The following CMTM4 variants were observed in gnomAD, a reference collection of about 807,000 sequenced individuals.
CMTM4 encodes the protein CKLF-like MARVEL transmembrane domain-containing protein 4.
CMTM4 carries 8 observed loss-of-function variants against 19.0 expected under a neutral mutation model. The observed-to-expected ratio is 0.42, with a 90% CI of 0.25 to 0.76. The LOEUF (loss-of-function observed/expected upper bound fraction) is 0.76. Among genes scored for constraint, CMTM4 ranks in the 30% least tolerant of loss-of-function variants. The pLI, the probability that CMTM4 is intolerant of heterozygous loss-of-function variation, is 0.27. For missense variants in CMTM4, 228 were observed against 290.2 expected (o/e 0.79, Z 1.56); for synonymous variants, 106 against 121.1 (o/e 0.88, Z 0.82).
chr16:66,633,159 A>G (rs1233378323), intron 2 of CMTM4, among the ~76,000 whole-genome samples: 3 of 147,548 alleles, frequency 2.0e-5, no homozygotes, highest in Non-Finnish European at 4.4e-5. Flanking sequence ...AAGTCCCACA[A>G]TCCATCCAAA....
chr16:66,642,213 A>G (rs934819750), intron 1 of CMTM4, among the ~76,000 whole-genome samples: 3 of 152,268 alleles, frequency 2.0e-5, no homozygotes, highest in East Asian at 3.8e-4. Context: ...AACAACTTCA[A>G]GGGAACCAAA....
chr16:66,623,005 T>C (rs1357061703), intron 3 of CMTM4, among the ~76,000 whole-genome samples: 2 of 152,222 alleles, frequency 1.3e-5, no homozygotes, highest in Non-Finnish European at 2.9e-5. Flanking sequence ...AAATGTCATG[T>C]GACTGCTAAA....
intron 1 of CMTM4, among the ~76,000 whole-genome samples, chr16:66,647,082 G>A (rs1453517580): frequency 7.3e-5 from 11 of 150,670 alleles, no homozygotes; most frequent in Admixed American, 2.0e-4. Flanking sequence ...TTGGGAGGCC[G>A]AGGTGGGTGG....
intron 1 of CMTM4, among the ~76,000 whole-genome samples, chr16:66,687,936 C>G (rs897070001): frequency 1.3e-5 from 2 of 152,070 alleles, no homozygotes; most frequent in African/African-American, 4.8e-5. Context: ...ATCTGCCCGC[C>G]TCGGCCTCCC....
chr16:66,696,257 C>G lies in CMTM4; in HGVS notation c.186+83G>C, dbSNP rs975901256. On this transcript the variant is annotated intron_variant, in intron 1 of 3. Transcript: ENST00000394106. This position sits in a 1 kb window ranked among gnomAD's most constrained non-coding sequence, Gnocchi z 4.3. ...GCTCCGGCCTGGGCAAGCGGGTACG[C>G]GGCGGAGGCCCCGCAGCGGGGCGGG... 2.9e-6 allele frequency: 3 copies of G among 1,036,924 alleles called. No individual in the cohort carries two copies. The highest frequency in any genetic ancestry group is 1.7e-5 in the African/African-American group (1 of 59,356). 64.2% of individuals were successfully genotyped at this position (1,036,924 alleles called of 1,614,324 possible). A position where few individuals can be genotyped will look rare whatever the true frequency, so the allele number is the denominator to read the frequency against.
chr16:66,637,997 G>C (rs892584084), intron 1 of CMTM4, among the ~76,000 whole-genome samples: 3 of 152,162 alleles, frequency 2.0e-5, no homozygotes. Flanking sequence ...TCCAAGGCAC[G>C]GGCTGTTCTG....
At chr16:66,642,833 A>C (rs1433459336) in intron 1 of CMTM4, among the ~76,000 whole-genome samples, 1 of 152,208 alleles carries the variant, frequency 6.6e-6, no homozygotes, top group Non-Finnish European at 1.5e-5. Context: ...GGAAAGAGAG[A>C]GGACTGGCTG....
Position 66,620,515 on chromosome 16 carries a change from T to C in CMTM4, c.*1543A>G, listed in dbSNP as rs560650230. 16 of 985,450 alleles carry C rather than the reference T, an allele frequency of 1.6e-5. No individual in the cohort carries two copies. The South Asian group carries it at 5.6e-4, about 35-fold the overall frequency. 61.0% of individuals were successfully genotyped at this position (985,450 alleles called of 1,614,324 possible). On this transcript the variant is annotated 3_prime_UTR_variant, in exon 4 of 4. Transcript: ENST00000394106. Reference sequence around the variant, plus strand: ...GCCTGATCAACACTGTGAGCTCAGATGCTGTCCTTTTCTGGGGAATGAGAC... The same window carrying C: ...GCCTGATCAACACTGTGAGCTCAGACGCTGTCCTTTTCTGGGGAATGAGAC...
Position 66,616,163 on chromosome 16 carries a change from T to C in CMTM4, c.*5895A>G, listed in dbSNP as rs2015522930. The C allele has an allele frequency of 6.6e-6, 1 of 152,186 alleles. No individual in the cohort carries two copies. The highest frequency in any genetic ancestry group is 1.5e-5 in the Non-Finnish European group (1 of 68,030). The allele number at this position is 152,186 out of a possible 1,614,324, so 9.4% of individuals were successfully genotyped here. On this transcript the variant is annotated 3_prime_UTR_variant, in exon 4 of 4. Coordinates refer to ENST00000394106, the MANE Select transcript of CMTM4 (RefSeq NM_181521.3). The stretch of plus-strand genomic sequence containing the variant: ...ATGCTACAAAAATAGTGTTATCTTG[T>C]TTAACTAAATGTACATCTTTTTTTC...
At chr16:66,644,152 C>G (rs940844812) in intron 1 of CMTM4, among the ~76,000 whole-genome samples, 27 of 152,182 alleles carry the variant, frequency 1.8e-4, no homozygotes, top group Admixed American at 1.3e-3. Context: ...TTGACAAAGT[C>G]TGACAATCCC....
chr16:66,694,003 C>CA (rs1425759112), intron 1 of CMTM4, among the ~76,000 whole-genome samples: 4 of 151,216 alleles, frequency 2.6e-5, no homozygotes, highest in African/African-American at 9.7e-5. Context: ...GCCTGGGTAA[C>CA]AGAGTTAGAC....
intron 2 of CMTM4, among the ~76,000 whole-genome samples, chr16:66,628,562 T>C (rs1229834293): frequency 6.6e-6 from 1 of 152,196 alleles, no homozygotes; most frequent in African/African-American, 2.4e-5. Context: ...CTTGATTCCA[T>C]ACAACACATG....
the CMTM4 span, among the ~76,000 whole-genome samples, chr16:66,601,107 CTGTGTGTGTGTG>C: frequency 7.0e-6 from 1 of 143,032 alleles, no homozygotes; most frequent in East Asian, 2.1e-4. Flanking sequence ...GTGTGTGTGT[CTGTGTGTGTGTG>C]TGTGTGTGTG....
chr16:66,622,263 C>T lies in CMTM4; in HGVS notation c.463-41G>A, dbSNP rs1487467448. 2.5e-6 allele frequency: 4 copies of T among 1,602,170 alleles called. No individual in the cohort carries two copies. Among genetic ancestry groups the T allele is most frequent in the Non-Finnish European group, 3.4e-6 (4 of 1,174,346 alleles). On this transcript the variant is annotated intron_variant, in intron 3 of 3. Coordinates refer to ENST00000394106, the MANE Select transcript of CMTM4 (RefSeq NM_181521.3). This position sits in a 1 kb window ranked among gnomAD's most constrained non-coding sequence, Gnocchi z 4.0. The stretch of plus-strand genomic sequence containing the variant: ...CACAGTTAGTCCTCGGGCACGTGGC[C>T]TGGCCCCTCAAGGCTTCTGTGGTGA...
chr16:66,680,667 G>A (rs566531257), intron 1 of CMTM4, among the ~76,000 whole-genome samples: 42 of 150,250 alleles, frequency 2.8e-4, no homozygotes, highest in African/African-American at 8.8e-4. Flanking sequence ...CCAGCTGCTC[G>A]GAAGGCTGAG....
chr16:66,683,176 C>CGTATATATATATACATATATAT (rs1555502512), intron 1 of CMTM4, among the ~76,000 whole-genome samples: 2 of 106,048 alleles, frequency 1.9e-5, no homozygotes, highest in African/African-American at 7.6e-5. Flanking sequence ...TATATATATA[C>CGTATATATATATACATATATAT]ATATGTATAT....
At position 66,622,096 on chromosome 16, in the gene CMTM4, C is replaced by T. The variant is rs776741887; in HGVS notation, c.589G>A (p.Val197Met). 3 of 1,587,808 alleles carry T rather than the reference C, an allele frequency of 1.9e-6. No individual in the cohort carries two copies. The highest frequency in any genetic ancestry group is 1.8e-5 in the Admixed American group (1 of 55,602). ...CGCTGGATCTCAGGGCGACTGTCCACATCCCTGGACTCCGTGCGGGCTCGG... is the reference window on the plus strand; with the variant it reads ...CGCTGGATCTCAGGGCGACTGTCCATATCCCTGGACTCCGTGCGGGCTCGG... ...YIRARTESRDVDSRPEIQRLD... is the reference protein window; with the variant it reads ...YIRARTESRDMDSRPEIQRLD... Residue 197 changes from valine to methionine, a missense_variant, in exon 4 of 4, where the codon GTG (valine) becomes ATG (methionine). Physicochemically the swap from Val to Met is conservative, Grantham distance 21. Coordinates refer to ENST00000394106, the MANE Select transcript of CMTM4 (RefSeq NM_181521.3). The surrounding 1 kb of genome is among the most constrained non-coding windows in gnomAD (Gnocchi z 4.0).
In CMTM4 at chr16:66,619,529, T is replaced by C; in HGVS notation, c.*2529A>G. ...AACTATTAAACGCAAAAACGCTTCCTTCAATTTGCCAAGAGGTCATTTTAA... is the reference window on the plus strand; with the variant it reads ...AACTATTAAACGCAAAAACGCTTCCCTCAATTTGCCAAGAGGTCATTTTAA... On this transcript the variant is annotated 3_prime_UTR_variant, in exon 4 of 4. Coordinates refer to ENST00000394106, the MANE Select transcript of CMTM4 (RefSeq NM_181521.3). 17 of 985,420 alleles carry C rather than the reference T, an allele frequency of 1.7e-5. No individual in the cohort carries two copies. Among genetic ancestry groups the C allele is most frequent in the Non-Finnish European group, 2.0e-5 (17 of 829,930 alleles). 61.0% of individuals were successfully genotyped at this position (985,420 alleles called of 1,614,324 possible).
chr16:66,636,354 A>C (rs1424020529), intron 2 of CMTM4, 51 bp downstream of exon 2: 2 of 1,489,270 alleles, frequency 1.3e-6, no homozygotes, highest in Admixed American at 3.7e-5. Context: ...TTTTCCTTGG[A>C]GCCAACAGGC....
Sources: allele counts gnomAD v4.1 joint callset (sites outside exome capture counted in the v4.1 genomes callset), GRCh38; gene constraint gnomAD v4.1.1; non-coding constraint Gnocchi (gnomAD v3.1); transcripts MANE v1.5; gene names NCBI Gene and HGNC (gene_info 2026-07-23, HGNC 2026-07-21).